Variants in MTOR observed in about 807,000 individuals in gnomAD.
MTOR encodes serine/threonine-protein kinase mTOR.
In MTOR, 70 loss-of-function variants were observed where a neutral mutation model predicts 319.8. That is an observed-to-expected ratio of 0.22 (90% CI 0.18 to 0.27). The LOEUF (loss-of-function observed/expected upper bound fraction) is 0.27, where lower values mean the gene tolerates loss of function less well. Ranked by LOEUF, MTOR falls within the 10% of genes least tolerant of loss-of-function variation. The pLI, the probability that MTOR is intolerant of heterozygous loss-of-function variation, is 1.00. For synonymous variants in MTOR, 1,183 were observed against 1,211.4 expected (o/e 0.98, Z 0.49); for missense variants, 1,890 against 3,274.4 (o/e 0.58, Z 10.32).
At chr1:11,139,488 C>T (rs752012428) in intron 35 of MTOR, 45 bp downstream of exon 35, 1 of 1,614,096 alleles carries the variant, frequency 6.2e-7, no homozygotes, top group South Asian at 1.1e-5. Flanking sequence ...CCCAGGGACA[C>T]CATGGGGCCC....
At chr1:11,207,066 T>C (rs1646159574) in intron 25 of MTOR, among the ~76,000 whole-genome samples, 4 of 152,152 alleles carry the variant, frequency 2.6e-5, no homozygotes, top group Admixed American at 2.6e-4. Context: ...GGAGGCACAA[T>C]TTACTTCTGA....
chr1:11,258,581 C>T lies in MTOR; in HGVS notation c.175G>A (p.Glu59Lys), dbSNP rs1650724507. The T allele has an allele frequency of 6.2e-7, 1 of 1,612,364 alleles. No homozygotes were observed. The highest frequency in any genetic ancestry group is 8.5e-7 in the Non-Finnish European group (1 of 1,178,912). ...AGTTGGTCATAGAAGCGAGTAGACT[C>T]CTCTTGACTCATCTGCAAAAGAAGA... is the stretch of plus-strand genomic sequence containing the variant. ...TMELREMSQE[E>K]STRFYDQLNH... The change falls in exon 3 of 58, where the codon GAG (glutamate) becomes AAG (lysine). Residue 59 changes from glutamate (E) to lysine (K), a missense_variant. By Grantham distance (56) the Glu-to-Lys change is moderately conservative. This residue lies in a region of MTOR where 85 missense variants were observed against 105.8 expected (regional missense o/e 0.80). Transcript: ENST00000361445.
chr1:11,194,838 C>A lies in MTOR; in HGVS notation c.4253+4420G>T, dbSNP rs781413412. On this transcript the variant is annotated intron_variant, in intron 28 of 57. Coordinates refer to ENST00000361445, the MANE Select transcript of MTOR (RefSeq NM_004958.4). ...CACAGTCAACTTACTAGCACTGGGT[C>A]TGTTTCTCATGCCAGGTGGCTACTG... The A allele has an allele frequency of 3.7e-5, 60 of 1,613,406 alleles. 1 individual carries two copies. Among genetic ancestry groups the A allele is most frequent in the Admixed American group, 1.7e-5 (1 of 59,968 alleles).
chr1:11,139,199 T>C (rs887505441), intron 36 of MTOR, 105 bp downstream of exon 36: 10 of 1,425,774 alleles, frequency 7.0e-6, no homozygotes, highest in Non-Finnish European at 9.5e-6. Flanking sequence ...TGTGAGTAGG[T>C]GGTTTAAACA....
intron 37 of MTOR, among the ~76,000 whole-genome samples, chr1:11,134,112 T>C (rs1194836352): frequency 6.6e-6 from 1 of 151,736 alleles, no homozygotes; most frequent in Non-Finnish European, 1.5e-5. Context: ...ACAAGGACTC[T>C]AAAACCAGAC....
chr1:11,192,418 C>T, intron 28 of MTOR: 7 of 1,471,388 alleles, frequency 4.8e-6, no homozygotes, highest in African/African-American at 1.4e-5. Context: ...TGTCCTTCAC[C>T]CCCTCAAGGG....
intron 49 of MTOR, among the ~76,000 whole-genome samples, chr1:11,119,073 C>T (rs982834449): frequency 2.0e-5 from 3 of 152,076 alleles, no homozygotes; most frequent in African/African-American, 7.2e-5. Context: ...AACCCTGTAA[C>T]TAGTATAAGA....
intron 14 of MTOR, among the ~76,000 whole-genome samples, chr1:11,233,886 C>G (rs115204893): frequency 2.1e-3 from 319 of 152,314 alleles, no homozygotes; most frequent in African/African-American, 7.5e-3. Context: ...ACCTACTTCT[C>G]CTTTCCAAAC....
intron 5 of MTOR, among the ~76,000 whole-genome samples, chr1:11,255,175 GAGATC>G (rs201010093): frequency 0.012 from 1,883 of 151,990 alleles, 68 homozygotes; most frequent in South Asian, 0.066. Context: ...ATGAGGTCAA[GAGATC>G]AAGACCATCC....
Position 11,107,173 on chromosome 1 carries a change from G to A in MTOR, c.*312C>T. The A allele has an allele frequency of 1.4e-6, 2 of 1,383,716 alleles. No individual in the cohort carries two copies. The highest frequency in any genetic ancestry group is 1.3e-5 in the South Asian group (1 of 78,052). 85.7% of individuals were successfully genotyped at this position (1,383,716 alleles called of 1,614,324 possible). A position where few individuals can be genotyped will look rare whatever the true frequency, so the allele number is the denominator to read the frequency against. On this transcript the variant is annotated 3_prime_UTR_variant, in exon 58 of 58. Coordinates refer to ENST00000361445, the MANE Select transcript of MTOR (RefSeq NM_004958.4). Reference sequence around the variant, plus strand: ...GTACTTATGATGAGTTCTCTTGTGAGTTAAGTCAAAACCCGTATTTCTAAA... The same window carrying A: ...GTACTTATGATGAGTTCTCTTGTGAATTAAGTCAAAACCCGTATTTCTAAA...
chr1:11,220,954 C>T (rs1646640999), intron 19 of MTOR, among the ~76,000 whole-genome samples: 1 of 152,056 alleles, frequency 6.6e-6, no homozygotes, highest in African/African-American at 2.4e-5. Flanking sequence ...ATAGTTCTAG[C>T]TCTGGAACTA....
At chr1:11,220,578 T>C (rs969438181) in intron 19 of MTOR, among the ~76,000 whole-genome samples, 1 of 152,246 alleles carries the variant, frequency 6.6e-6, no homozygotes, top group Non-Finnish European at 1.5e-5. Flanking sequence ...TGGATGAATA[T>C]AAACAAACAC....
intron 28 of MTOR, among the ~76,000 whole-genome samples, chr1:11,175,428 G>T (rs1309057371): frequency 5.3e-5 from 8 of 152,172 alleles, no homozygotes; most frequent in African/African-American, 1.9e-4. Context: ...CATCAAATTC[G>T]AGTTTTGAAT....
chr1:11,261,028 G>C (rs1343014304), intron 1 of MTOR, among the ~76,000 whole-genome samples: 1 of 151,578 alleles, frequency 6.6e-6, no homozygotes, highest in African/African-American at 2.4e-5. Flanking sequence ...CTGACCTCAG[G>C]TGATCTGCCC....
Position 11,243,304 on chromosome 1 carries a change from A to G in MTOR, c.1226-4T>C, listed in dbSNP as rs201362425. 8.1e-6 allele frequency: 13 copies of G among 1,613,332 alleles called. No individual in the cohort carries two copies. In the East Asian group the frequency reaches 1.6e-4, roughly 19 times the overall value. ...GTATCTTGGAGATACTGGGTATCTGAGCACAGAAAAGACAAAGTAGATAGC... is the reference window on the plus strand; with the variant it reads ...GTATCTTGGAGATACTGGGTATCTGGGCACAGAAAAGACAAAGTAGATAGC... On this transcript the variant is annotated splice_region_variant and splice_polypyrimidine_tract_variant and intron_variant, in intron 8 of 57. Transcript: ENST00000361445.
At chr1:11,207,417 T>C (rs1419774745) in intron 25 of MTOR, among the ~76,000 whole-genome samples, 2 of 142,926 alleles carry the variant, frequency 1.4e-5, no homozygotes, top group Non-Finnish European at 3.1e-5. Context: ...CTCTTTTTTT[T>C]TTTTTTTTTT....
chr1:11,126,674 C>A lies in MTOR; in HGVS notation c.6474G>T (p.Pro2158=), dbSNP rs201488400. ...QPIIRIQSIA[P]SLQVITSKQR... The stretch of plus-strand genomic sequence containing the variant: ...GCTTGGATGTGATGACTTGCAAAGA[C>A]GGTGCTATGGACTGAATGCGAATGA... The change falls in exon 46 of 58, where the codon CCG becomes CCT. Residue 2158 remains proline, a synonymous_variant. Transcript: ENST00000361445. 6.2e-7 allele frequency: 1 copy of A among 1,613,806 alleles called. No homozygotes were observed. The highest frequency in any genetic ancestry group is 1.7e-5 in the Admixed American group (1 of 59,968).
At chr1:11,182,217 T>TA (rs75328428) in intron 28 of MTOR, among the ~76,000 whole-genome samples, 15,599 of 137,474 alleles carry the variant, frequency 0.11, 1,512 homozygotes, top group African/African-American at 0.25. Context: ...AACTCCATCT[T>TA]AAAAAAAAAA....
intron 19 of MTOR, among the ~76,000 whole-genome samples, chr1:11,216,582 G>A (rs145155469): frequency 6.6e-4 from 100 of 151,612 alleles, no homozygotes; most frequent in African/African-American, 2.2e-3. Context: ...AGAAGTTCAA[G>A]GCTGTAGTGA....
Sources: gnomAD v4.1 joint callset for allele counts (sites outside exome capture counted in the v4.1 genomes callset) on GRCh38, gnomAD v4.1.1 for gene constraint, gnomAD v4.1.1 regional missense constraint, MANE v1.5 for transcripts, NCBI Gene and HGNC (gene_info 2026-07-23, HGNC 2026-07-21) for gene names.